CNTN4: variants seen among roughly 807,000 people sequenced by gnomAD.
The protein encoded by CNTN4 is contactin-4.
CNTN4 carries 77 observed loss-of-function variants against 122.5 expected under a neutral mutation model. The observed-to-expected ratio is 0.63, with a 90% CI of 0.52 to 0.76. CNTN4 has a LOEUF of 0.76. CNTN4 is among the 30% of genes least tolerant of loss of function. The pLI is 0.00. For synonymous variants in CNTN4, 512 were observed against 447.0 expected, an observed-to-expected ratio of 1.15 and a Z score of -1.83; for missense variants, 1,256 against 1,259.1, an observed-to-expected ratio of 1.00 and a Z score of 0.04.
At chr3:2,530,760 G>C (rs752424822) in intron 3 of CNTN4, among the ~76,000 whole-genome samples, 1 of 151,990 alleles carries the variant, frequency 6.6e-6, no homozygotes, top group Non-Finnish European at 1.5e-5. Flanking sequence ...TTTTTACCTT[G>C]AGAAAATGTT....
chr3:2,408,055 G>A (rs1411504558), intron 3 of CNTN4, among the ~76,000 whole-genome samples: 2 of 152,174 alleles, frequency 1.3e-5, no homozygotes, highest in Non-Finnish European at 2.9e-5. Context: ...TAAGAAGAAA[G>A]TATCTGAAAT....
chr3:2,387,169 A>G (rs1006411954), intron 3 of CNTN4, among the ~76,000 whole-genome samples: 1 of 152,242 alleles, frequency 6.6e-6, no homozygotes, highest in Non-Finnish European at 1.5e-5. Context: ...AATAATTTAA[A>G]TGAATGAAAT....
chr3:3,010,548 G>T (rs970316400), intron 14 of CNTN4, among the ~76,000 whole-genome samples: 1 of 151,778 alleles, frequency 6.6e-6, no homozygotes, highest in Non-Finnish European at 1.5e-5. Flanking sequence ...TCATTGTGAC[G>T]AAGAAATGGA....
chr3:2,688,761 C>T (rs566217404), intron 4 of CNTN4, among the ~76,000 whole-genome samples: 12 of 152,302 alleles, frequency 7.9e-5, no homozygotes, highest in Admixed American at 7.2e-4. Flanking sequence ...TCAAACTTAG[C>T]TCCCTACGTG....
intron 6 of CNTN4, among the ~76,000 whole-genome samples, chr3:2,795,151 A>G (rs2150005859): frequency 6.6e-6 from 1 of 152,348 alleles, no homozygotes; most frequent in South Asian, 2.1e-4. Flanking sequence ...GAGTTATCAA[A>G]CCCACTGGAA....
At chr3:2,454,720 C>T (rs1445625875) in intron 3 of CNTN4, among the ~76,000 whole-genome samples, 1 of 145,404 alleles carries the variant, frequency 6.9e-6, no homozygotes, top group African/African-American at 2.6e-5. Context: ...TGCTTGTTTC[C>T]TACTCCATTA....
chr3:2,804,924 C>T (rs2092429773), intron 6 of CNTN4, among the ~76,000 whole-genome samples: 1 of 152,096 alleles, frequency 6.6e-6, no homozygotes, highest in African/African-American at 2.4e-5. Context: ...CCTGTAATCC[C>T]AACACTTTGG....
intron 7 of CNTN4, among the ~76,000 whole-genome samples, chr3:2,849,579 A>G (rs1302708672): frequency 2.0e-5 from 3 of 152,242 alleles, no homozygotes; most frequent in Non-Finnish European, 2.9e-5. Context: ...GGGAGCAGAA[A>G]GAAGTACTTA....
intron 2 of CNTN4, among the ~76,000 whole-genome samples, chr3:2,159,826 C>CTT (rs200520170): frequency 7.0e-6 from 1 of 143,794 alleles, no homozygotes; most frequent in South Asian, 2.2e-4. Context: ...TGACACAGCT[C>CTT]TTTTTTTTTT....
intron 3 of CNTN4, among the ~76,000 whole-genome samples, chr3:2,556,499 G>T (rs2078725454): frequency 1.3e-5 from 2 of 152,056 alleles, no homozygotes. Context: ...CACTTAAAAG[G>T]ATGTGCAGTA....
chr3:2,729,959 A>T (rs1012085477), intron 4 of CNTN4, among the ~76,000 whole-genome samples: 1 of 152,154 alleles, frequency 6.6e-6, no homozygotes, highest in South Asian at 2.1e-4. Context: ...AGATCAAGAG[A>T]TGCTTGCTCA....
intron 4 of CNTN4, among the ~76,000 whole-genome samples, chr3:2,669,716 T>C (rs1382380830): frequency 6.6e-6 from 1 of 152,212 alleles, no homozygotes; most frequent in Admixed American, 6.5e-5. Flanking sequence ...TCCTGCTTTC[T>C]CTTGTGGGCA....
intron 4 of CNTN4, among the ~76,000 whole-genome samples, chr3:2,599,307 A>C (rs1448075816): frequency 1.3e-5 from 2 of 152,224 alleles, no homozygotes; most frequent in East Asian, 3.8e-4. Context: ...AAGATCATAG[A>C]GCTGGTAAAT....
intron 7 of CNTN4, among the ~76,000 whole-genome samples, chr3:2,840,527 C>A (rs955918866): frequency 1.1e-5 from 1 of 90,190 alleles, no homozygotes; most frequent in Non-Finnish European, 2.4e-5. Context: ...GGTGAAACCC[C>A]GTCTCTACTA....
At chr3:2,830,223 C>T (rs1013870123) in intron 7 of CNTN4, among the ~76,000 whole-genome samples, 1 of 152,112 alleles carries the variant, frequency 6.6e-6, no homozygotes, top group Non-Finnish European at 1.5e-5. Context: ...ATGATAGGCA[C>T]TATGTAACTG....
At chr3:2,258,216 C>CATTT (rs2040679573) in intron 2 of CNTN4, among the ~76,000 whole-genome samples, 3 of 152,120 alleles carry the variant, frequency 2.0e-5, no homozygotes, top group African/African-American at 7.2e-5. Flanking sequence ...CCAGAAACAC[C>CATTT]ATTTAACCCA....
At chr3:2,798,346 A>T (rs1181312613) in intron 6 of CNTN4, among the ~76,000 whole-genome samples, 3 of 18,392 alleles carry the variant, frequency 1.6e-4, no homozygotes, top group Non-Finnish European at 6.3e-4. Flanking sequence ...ATATATACAT[A>T]CTATATCTAT....
chr3:2,583,059 T>C (rs923932580), intron 4 of CNTN4, among the ~76,000 whole-genome samples: 5 of 152,178 alleles, frequency 3.3e-5, no homozygotes, highest in Non-Finnish European at 5.9e-5. Flanking sequence ...GTTTCAACTA[T>C]ATTGTTTCCA....
intron 13 of CNTN4, among the ~76,000 whole-genome samples, chr3:2,945,040 G>A (rs2094660482): frequency 1.3e-5 from 2 of 152,170 alleles, no homozygotes; most frequent in Admixed American, 6.6e-5. Flanking sequence ...TAAGCTTAGT[G>A]GAGGCAGTTC....
Sources: gnomAD v4.1 joint callset for allele counts (sites outside exome capture counted in the v4.1 genomes callset) on GRCh38, gnomAD v4.1.1 for gene constraint, MANE v1.5 for transcripts, NCBI Gene and HGNC (gene_info 2026-07-23, HGNC 2026-07-21) for gene names.